Variants in SOX5 observed in about 807,000 individuals in gnomAD.
SOX5 encodes the protein SRY-box transcription factor 5.
In SOX5, 9 loss-of-function variants were observed where a neutral mutation model predicts 92.0. The observed-to-expected ratio is 0.10, with a 90% CI of 0.06 to 0.17. The LOEUF is 0.17. Ranked by LOEUF, SOX5 falls within the 10% of genes least tolerant of loss-of-function variation. SOX5 has a pLI of 1.00. For synonymous variants in SOX5, 344 were observed against 336.3 expected, an observed-to-expected ratio of 1.02 and a Z score of -0.25; for missense variants, 642 against 944.5, an observed-to-expected ratio of 0.68 and a Z score of 4.20.
chr12:24,198,117 A>G (rs541867840), intron 4 of SOX5, among the ~76,000 whole-genome samples: 1 of 152,324 alleles, frequency 6.6e-6, no homozygotes, highest in South Asian at 2.1e-4. Flanking sequence ...TACTCACACT[A>G]TAAGAGAGCA....
chr12:24,517,368 C>G (rs1949883236), intron 1 of SOX5, among the ~76,000 whole-genome samples: 1 of 152,156 alleles, frequency 6.6e-6, no homozygotes, highest in South Asian at 2.1e-4. Flanking sequence ...GTGCTTACAT[C>G]CACATCAAGA....
At chr12:24,063,639 G>A (rs1012123060) in intron 4 of SOX5, among the ~76,000 whole-genome samples, 1 of 152,114 alleles carries the variant, frequency 6.6e-6, no homozygotes, top group Admixed American at 6.5e-5. Context: ...TTAGGAACAT[G>A]GCATATTACA....
intron 4 of SOX5, among the ~76,000 whole-genome samples, chr12:24,052,134 C>T (rs969384830): frequency 6.6e-6 from 1 of 152,112 alleles, no homozygotes; most frequent in African/African-American, 2.4e-5. Context: ...TCTTCATTTA[C>T]CTGCTCCTTA....
intron 3 of SOX5, among the ~76,000 whole-genome samples, chr12:24,225,996 G>A (rs1018192239): frequency 1.3e-5 from 2 of 152,172 alleles, no homozygotes; most frequent in East Asian, 1.9e-4. Context: ...GTACAAGTCA[G>A]TAGGAATCAA....
chr12:24,202,326 A>T (rs534992112), intron 4 of SOX5, among the ~76,000 whole-genome samples: 13 of 152,200 alleles, frequency 8.5e-5, no homozygotes, highest in African/African-American at 3.1e-4. Context: ...AAGGCACACA[A>T]TTTTTATCTT....
chr12:24,133,445 C>T (rs1249430308), intron 4 of SOX5, among the ~76,000 whole-genome samples: 2 of 152,160 alleles, frequency 1.3e-5, no homozygotes, highest in South Asian at 2.1e-4. Flanking sequence ...GAGGAACTGC[C>T]TTCCCCTTTT....
In SOX5 at chr12:24,216,602, T is replaced by C. The variant is rs192421372; in HGVS notation, c.-76-3185A>G. Among the ~76,000 whole-genome samples the C allele has an allele frequency of 2.6e-3, 397 of 152,222 alleles. 1 individual carries two copies. The highest frequency in any genetic ancestry group is 4.2e-3 in the Non-Finnish European group (289 of 68,018). Reference sequence around the variant, plus strand: ...TTTAGTCACATGGCCAATTATATGCTTATGTAATAAATACCTTGAATAAAA... The same window carrying C: ...TTTAGTCACATGGCCAATTATATGCCTATGTAATAAATACCTTGAATAAAA... On this transcript the variant is annotated intron_variant, in intron 3 of 4. Transcript: ENST00000446891.
At chr12:24,490,913 T>G (rs1947000914) in intron 1 of SOX5, among the ~76,000 whole-genome samples, 1 of 151,998 alleles carries the variant, frequency 6.6e-6, no homozygotes, top group African/African-American at 2.4e-5. Context: ...TATCACCCCC[T>G]CAGAAAGATT....
At position 23,734,747 on chromosome 12, in the gene SOX5, T is replaced by G; in HGVS notation, c.747A>C (p.Ala249=). 6.2e-7 allele frequency: 1 copy of G among 1,612,872 alleles called. No individual in the cohort carries two copies. The change falls in exon 6 of 15, where the codon GCA becomes GCC. Residue 249 remains alanine (A), a synonymous_variant. Coordinates refer to ENST00000451604, the MANE Select transcript of SOX5 (RefSeq NM_006940.6). ...ELAKQQQEQI[A]RQQQQLLQQQ... Reference sequence around the variant, plus strand: ...GCTGTAGAAGCTGCTGCTGCTGTCTTGCAATCTGTGAAGAAATTGCACATG... The same window carrying G: ...GCTGTAGAAGCTGCTGCTGCTGTCTGGCAATCTGTGAAGAAATTGCACATG...
At chr12:24,326,791 T>TACACACACACACACACACACAC (rs10527019) in intron 2 of SOX5, among the ~76,000 whole-genome samples, 4,328 of 148,776 alleles carry the variant, frequency 0.029, 90 homozygotes, top group Middle Eastern at 0.048. Context: ...TACACACACA[T>TACACACACACACACACACACAC]ACACACACAC....
chr12:24,307,064 C>G (rs1382648414), intron 2 of SOX5, among the ~76,000 whole-genome samples: 1 of 152,094 alleles, frequency 6.6e-6, no homozygotes. Flanking sequence ...AAAACCCCAT[C>G]TCTACAAAAA....
At chr12:24,331,582 G>T (rs989538305) in intron 2 of SOX5, among the ~76,000 whole-genome samples, 2 of 151,962 alleles carry the variant, frequency 1.3e-5, no homozygotes, top group Non-Finnish European at 2.9e-5. Flanking sequence ...GGGCGTGGTG[G>T]CTCACACCTG....
intron 4 of SOX5, among the ~76,000 whole-genome samples, chr12:24,110,272 A>G (rs1022868759): frequency 6.6e-6 from 1 of 152,204 alleles, no homozygotes; most frequent in Non-Finnish European, 1.5e-5. Flanking sequence ...AAAGAAACCT[A>G]ATGAGTTGCT....
At chr12:23,903,609 T>C (rs369520978) in intron 1 of SOX5, among the ~76,000 whole-genome samples, 3 of 152,284 alleles carry the variant, frequency 2.0e-5, no homozygotes, top group East Asian at 3.9e-4. Context: ...ATTAAAAATA[T>C]TTAATAGATT....
chr12:24,145,655 A>G (rs1951007419), intron 4 of SOX5, among the ~76,000 whole-genome samples: 1 of 152,070 alleles, frequency 6.6e-6, no homozygotes, highest in Non-Finnish European at 1.5e-5. Context: ...TGCATCATAC[A>G]TGGCTGATTT....
At chr12:24,206,527 A>G (rs1958034476) in intron 4 of SOX5, among the ~76,000 whole-genome samples, 2 of 152,180 alleles carry the variant, frequency 1.3e-5, no homozygotes, top group Non-Finnish European at 2.9e-5. Flanking sequence ...CTTCAACAGG[A>G]AAGCTTGTAA....
chr12:23,658,943 A>G (rs1026084098), intron 7 of SOX5, among the ~76,000 whole-genome samples: 1 of 152,182 alleles, frequency 6.6e-6, no homozygotes, highest in Non-Finnish European at 1.5e-5. Context: ...GCCTAAAGAC[A>G]TGATTATATC....
At chr12:24,445,287 G>A (rs1055331350) in intron 1 of SOX5, among the ~76,000 whole-genome samples, 5 of 152,126 alleles carry the variant, frequency 3.3e-5, no homozygotes, top group South Asian at 2.1e-4. Flanking sequence ...TCCTTAACAC[G>A]TTAAAACATT....
At chr12:23,807,016 T>C (rs1399012271) in intron 3 of SOX5, among the ~76,000 whole-genome samples, 1 of 152,216 alleles carries the variant, frequency 6.6e-6, no homozygotes, top group East Asian at 1.9e-4. Context: ...TGGCCAGCTT[T>C]TGGATGGCCA....
Sources: allele counts gnomAD v4.1 joint callset (sites outside exome capture counted in the v4.1 genomes callset), GRCh38; gene constraint gnomAD v4.1.1; transcripts MANE v1.5; gene names NCBI Gene and HGNC (gene_info 2026-07-23, HGNC 2026-07-21).